The following THSD7B variants were observed in gnomAD, a reference collection of about 807,000 sequenced individuals.
The protein encoded by THSD7B is thrombospondin type-1 domain-containing protein 7B.
In THSD7B, 138 loss-of-function variants were observed where a neutral mutation model predicts 213.6. That is an observed-to-expected ratio of 0.65 (90% CI 0.56 to 0.74). THSD7B has a LOEUF of 0.74. THSD7B is among the 30% of genes least tolerant of loss of function. The pLI is 0.00. For missense variants in THSD7B, 1,931 were observed against 1,991.5 expected (o/e 0.97, Z 0.58); for synonymous variants, 742 against 687.0 (o/e 1.08, Z -1.25).
In THSD7B at chr2:137,676,506, A is replaced by AT. The variant is rs755320487; in HGVS notation, c.4740-11dup. ...TCTATGAACTTACTTGATCTGAGGA[A>AT]TTTTTTTCCCTTTGCAGCAAGAAGC... On this transcript the variant is annotated splice_polypyrimidine_tract_variant and intron_variant, in intron 27 of 27. Coordinates refer to ENST00000409968, the MANE Select transcript of THSD7B (RefSeq NM_001316349.2). The AT allele has an allele frequency of 3.1e-5, 49 of 1,574,256 alleles. No individual in the cohort carries two copies. Among genetic ancestry groups the AT allele is most frequent in the South Asian group, 7.1e-5 (6 of 84,768 alleles).
intron 2 of THSD7B, among the ~76,000 whole-genome samples, chr2:136,921,235 A>AAAC (rs1684433038): frequency 2.0e-5 from 3 of 151,840 alleles, no homozygotes; most frequent in Non-Finnish European, 4.4e-5. Flanking sequence ...AAAAAAAAAA[A>AAAC]AAACCACATA....
intron 5 of THSD7B, among the ~76,000 whole-genome samples, chr2:137,143,707 G>A (rs1356233720): frequency 6.6e-6 from 1 of 152,046 alleles, no homozygotes; most frequent in East Asian, 1.9e-4. Flanking sequence ...TTTCATGCAT[G>A]CCTCTATTAA....
intron 15 of THSD7B, among the ~76,000 whole-genome samples, chr2:137,464,049 G>A (rs1311265095): frequency 6.6e-6 from 1 of 152,064 alleles, no homozygotes; most frequent in Non-Finnish European, 1.5e-5. Flanking sequence ...AGGAGGTTTA[G>A]ACCATAGGAA....
chr2:137,236,369 T>A (rs1573903924), intron 9 of THSD7B, among the ~76,000 whole-genome samples: 1 of 152,214 alleles, frequency 6.6e-6, no homozygotes, highest in South Asian at 2.1e-4. Flanking sequence ...ATTGTACAGG[T>A]GAGACTGTTA....
intron 4 of THSD7B, among the ~76,000 whole-genome samples, chr2:137,105,306 C>A (rs1241588260): frequency 1.4e-4 from 22 of 152,242 alleles, no homozygotes; most frequent in Admixed American, 1.2e-3. Flanking sequence ...ATGACAAAAA[C>A]CACATAATTA....
chr2:136,781,986 G>A (rs1256082141), intron 1 of THSD7B, among the ~76,000 whole-genome samples: 1 of 152,140 alleles, frequency 6.6e-6, no homozygotes, highest in East Asian at 1.9e-4. Flanking sequence ...GGGAAAAAGG[G>A]GTAGGGCACA....
chr2:137,358,313 T>C (rs1213022284), intron 12 of THSD7B, among the ~76,000 whole-genome samples: 1 of 152,212 alleles, frequency 6.6e-6, no homozygotes, highest in Non-Finnish European at 1.5e-5. Flanking sequence ...TCTTGTTTTA[T>C]AAATTGATTC....
At chr2:137,510,246 TTAAG>T in intron 15 of THSD7B, among the ~76,000 whole-genome samples, 1 of 152,256 alleles carries the variant, frequency 6.6e-6, no homozygotes, top group East Asian at 1.9e-4. Context: ...ACCCCCCTAG[TTAAG>T]TTTCAGCTAT....
chr2:137,207,698 A>G (rs542471899), intron 7 of THSD7B, among the ~76,000 whole-genome samples: 13 of 152,172 alleles, frequency 8.5e-5, no homozygotes, highest in South Asian at 8.3e-4. Flanking sequence ...TTAAGTGAAT[A>G]TTGGGCAAGA....
At chr2:136,949,668 G>A (rs990895182) in intron 2 of THSD7B, among the ~76,000 whole-genome samples, 5 of 152,110 alleles carry the variant, frequency 3.3e-5, no homozygotes, top group South Asian at 4.2e-4. Context: ...TGTTAGAATC[G>A]CCAGTGAGAT....
intron 2 of THSD7B, among the ~76,000 whole-genome samples, chr2:136,920,846 T>C (rs924609856): frequency 1.1e-4 from 16 of 152,188 alleles, no homozygotes; most frequent in Non-Finnish European, 1.5e-5. Context: ...AGGGGGCTTA[T>C]GCGTCAGTGC....
chr2:136,806,106 C>T (rs1682277288), intron 1 of THSD7B, among the ~76,000 whole-genome samples: 1 of 152,200 alleles, frequency 6.6e-6, no homozygotes, highest in African/African-American at 2.4e-5. Flanking sequence ...AACTTGGCCA[C>T]AGCATTGCCA....
Position 136,885,531 on chromosome 2 carries a change from G to A in THSD7B, c.139+3214G>A, listed in dbSNP as rs72981607. Among the ~76,000 whole-genome samples the A allele has an allele frequency of 9.5e-3, 1,446 of 152,228 alleles. 32 individuals are homozygous for A. The highest frequency in any genetic ancestry group is 0.033 in the African/African-American group (1,390 of 41,548). ...AGCTGTGTCAAGAAAGAAGGATCAC[G>A]TCAGCAACAGTATCAGATAAGGGAC... is the stretch of plus-strand genomic sequence containing the variant. On this transcript the variant is annotated intron_variant, in intron 2 of 27. Coordinates refer to ENST00000409968, the MANE Select transcript of THSD7B (RefSeq NM_001316349.2).
chr2:137,035,769 C>G (rs991769046), intron 2 of THSD7B, among the ~76,000 whole-genome samples: 2 of 152,082 alleles, frequency 1.3e-5, no homozygotes, highest in Admixed American at 1.3e-4. Flanking sequence ...GAAGGATTAA[C>G]TAATGTCAGG....
intron 17 of THSD7B, among the ~76,000 whole-genome samples, chr2:137,590,245 A>T (rs960379094): frequency 1.3e-5 from 2 of 152,202 alleles, no homozygotes; most frequent in African/African-American, 4.8e-5. Flanking sequence ...TTAGTACAAG[A>T]CACAGCAATG....
chr2:137,162,815 A>G (rs369065841), intron 6 of THSD7B, among the ~76,000 whole-genome samples: 2 of 151,140 alleles, frequency 1.3e-5, no homozygotes, highest in South Asian at 2.1e-4. Context: ...GCTGGAGTGC[A>G]ATGGCGTGAT....
Position 137,160,221 on chromosome 2 carries a change from C to T in THSD7B, c.1378C>T (p.Pro460Ser), listed in dbSNP as rs759413516. Residue 460 changes from proline to serine, a missense_variant, in exon 6 of 28, where the codon CCT becomes TCT. By Grantham distance (74) the Pro-to-Ser change is moderately conservative. Transcript: ENST00000409968. Reference sequence around the variant, plus strand: ...ATCTTTTTGTCCCTCAGTCTCTAGACCTGTGGAAAAGGCATTATGTGTGGG... The same window carrying T: ...ATCTTTTTGTCCCTCAGTCTCTAGATCTGTGGAAAAGGCATTATGTGTGGG... ...AALRAKEVSR[P>S]VEKALCVGPA... 1 of 1,612,932 alleles carries T rather than the reference C, an allele frequency of 6.2e-7. No individual in the cohort carries two copies. Among genetic ancestry groups the T allele is most frequent in the Non-Finnish European group, 8.5e-7 (1 of 1,179,356 alleles).
intron 15 of THSD7B, among the ~76,000 whole-genome samples, chr2:137,548,005 A>C (rs76799270): frequency 0.023 from 3,550 of 152,154 alleles, 100 homozygotes; most frequent in Admixed American, 0.077. Context: ...AGTTCTGAGC[A>C]AAACTTCCAA....
At chr2:137,582,416 T>G (rs1681601350) in intron 17 of THSD7B, among the ~76,000 whole-genome samples, 1 of 152,198 alleles carries the variant, frequency 6.6e-6, no homozygotes, top group South Asian at 2.1e-4. Context: ...TGTATCCATG[T>G]GCCGTGTTGG....
Sources: gnomAD v4.1 joint callset for allele counts (sites outside exome capture counted in the v4.1 genomes callset) on GRCh38, gnomAD v4.1.1 for gene constraint, MANE v1.5 for transcripts, NCBI Gene and HGNC (gene_info 2026-07-23, HGNC 2026-07-21) for gene names.